Variants in KLC1 observed in about 807,000 individuals in gnomAD.
KLC1 encodes the protein kinesin 2 60/70kDa.
A neutral mutation model predicts 84.2 loss-of-function variants in KLC1; 30 were observed. That is an observed-to-expected ratio of 0.36 (90% CI 0.27 to 0.48). The LOEUF (loss-of-function observed/expected upper bound fraction) is 0.48, where lower values mean the gene tolerates loss of function less well. Ranked by LOEUF, KLC1 falls within the 20% of genes least tolerant of loss-of-function variation. KLC1 has a pLI of 0.99. For synonymous variants in KLC1, 289 were observed against 293.3 expected, an observed-to-expected ratio of 0.99 and a Z score of 0.15; for missense variants, 499 against 805.4, an observed-to-expected ratio of 0.62 and a Z score of 4.60.
At chr14:103,662,262 A>G in intron 4 of KLC1, 68 bp downstream of exon 4, 2 of 1,286,124 alleles carry the variant, frequency 1.6e-6, no homozygotes, top group Non-Finnish European at 2.3e-6. Context: ...GAACACGGTC[A>G]TAGCAATCAG....
At chr14:103,680,004 G>A (rs1476893307) in intron 13 of KLC1, among the ~76,000 whole-genome samples, 2 of 152,186 alleles carry the variant, frequency 1.3e-5, no homozygotes, top group Non-Finnish European at 2.9e-5. Context: ...TTAGAAAACA[G>A]GTCAGAAACA....
intron 5 of KLC1, among the ~76,000 whole-genome samples, chr14:103,666,209 G>A (rs993119464): frequency 6.6e-6 from 1 of 151,972 alleles, no homozygotes; most frequent in Non-Finnish European, 1.5e-5. Flanking sequence ...GACTACAGGC[G>A]CCTGCCACCG....
chr14:103,681,156 G>A (rs2081313704), intron 13 of KLC1, among the ~76,000 whole-genome samples: 1 of 152,172 alleles, frequency 6.6e-6, no homozygotes, highest in Non-Finnish European at 1.5e-5. Context: ...TGTGTATCTG[G>A]TGTGTCCCCT....
At chr14:103,687,873 C>T (rs886834307) in intron 14 of KLC1, 4 of 152,158 alleles carry the variant, frequency 2.6e-5, no homozygotes, top group Non-Finnish European at 4.4e-5. Context: ...TTGTCCCTGC[C>T]GCAGTGTCCA....
At chr14:103,647,207 T>C (rs1169815758) in intron 1 of KLC1, among the ~76,000 whole-genome samples, 1 of 152,022 alleles carries the variant, frequency 6.6e-6, no homozygotes, top group Non-Finnish European at 1.5e-5. Flanking sequence ...TTTACTTTCT[T>C]TATCCAGAAA....
At chr14:103,634,206 GT>G (rs1457519359) in intron 1 of KLC1, among the ~76,000 whole-genome samples, 5 of 152,104 alleles carry the variant, frequency 3.3e-5, no homozygotes, top group African/African-American at 4.8e-5. Flanking sequence ...AATTTTTATT[GT>G]TTGTCTCCAC....
At chr14:103,634,946 G>A (rs1297102615) in intron 1 of KLC1, among the ~76,000 whole-genome samples, 2 of 152,102 alleles carry the variant, frequency 1.3e-5, no homozygotes, top group Admixed American at 6.5e-5. Flanking sequence ...ATCTTCATTC[G>A]TTCTCCCAAG....
intron 7 of KLC1, among the ~76,000 whole-genome samples, chr14:103,672,728 T>C (rs2080515271): frequency 6.6e-6 from 1 of 152,194 alleles, no homozygotes; most frequent in Admixed American, 6.5e-5. Context: ...CATTTGTACA[T>C]AGTACAACCA....
chr14:103,697,297 C>T (rs1179227383), intron 15 of KLC1: 1 of 233,846 alleles, frequency 4.3e-6, no homozygotes, highest in Non-Finnish European at 7.0e-6. Context: ...ATTGTCCCAC[C>T]CTGGAAAACG....
rs535849010 is a variant in KLC1, at chr14:103,685,986, C to T, written c.1651-1095C>T. 8.1e-5 allele frequency: 90 copies of T among 1,105,322 alleles called. 2 individuals are homozygous for T. The South Asian group carries it at 1.8e-3, about 23-fold the overall frequency. The allele number at this position is 1,105,322 out of a possible 1,614,324, so 68.5% of individuals were successfully genotyped here. A position where few individuals can be genotyped will look rare whatever the true frequency, so the allele number is the denominator to read the frequency against. Reference sequence around the variant, plus strand: ...ACAAGGTGTTGTTGCAATGGCATGACGGTGACCTGTTGACGTAACTAAGCC... The same window carrying T: ...ACAAGGTGTTGTTGCAATGGCATGATGGTGACCTGTTGACGTAACTAAGCC... On this transcript the variant is annotated intron_variant, in intron 13 of 16. Coordinates refer to ENST00000334553, the MANE Select transcript of KLC1 (RefSeq NM_001394837.1).
At chr14:103,684,824 T>G in intron 13 of KLC1, 2 of 632,926 alleles carry the variant, frequency 3.2e-6, no homozygotes, top group South Asian at 1.8e-5. Context: ...ACTACTGTAG[T>G]GTAGCGCTGA....
intron 1 of KLC1, 115 bp from the exon 2 acceptor site, chr14:103,654,449 G>A: frequency 1.4e-6 from 1 of 730,154 alleles, no homozygotes; most frequent in Non-Finnish European, 2.1e-6. Context: ...TTACAAATGT[G>A]CATATTTATT....
rs771343575 is a variant in KLC1 at position 103,670,237 on chromosome 14, A to G, written c.941A>G (p.Lys314Arg). ...AVLYGKRGKY[K>R]EAEPLCKRAL... Reference sequence around the variant, plus strand: ...CTTTATGGTAAAAGAGGGAAGTACAAAGAAGCAGAGCCGTTGTGTAAAAGA... The same window carrying G: ...CTTTATGGTAAAAGAGGGAAGTACAGAGAAGCAGAGCCGTTGTGTAAAAGA... The change falls in exon 7 of 17, where the codon AAA becomes AGA. Residue 314 changes from lysine (K) to arginine (R), a missense_variant. By Grantham distance (26) the Lys-to-Arg change is conservative. Around this residue, in one of 3 missense-constraint regions of KLC1, gnomAD observed 153 missense variants for 332.4 expected, o/e 0.46. Coordinates refer to ENST00000334553, the MANE Select transcript of KLC1 (RefSeq NM_001394837.1). The G allele has an allele frequency of 6.8e-6, 11 of 1,613,446 alleles. No individual in the cohort carries two copies. In the Admixed American group the frequency reaches 1.5e-4, roughly 22 times the overall value.
chr14:103,658,622 T>C (rs375975805), intron 3 of KLC1, among the ~76,000 whole-genome samples: 4 of 151,304 alleles, frequency 2.6e-5, no homozygotes, highest in East Asian at 2.0e-4. Context: ...GTCTCAGTTA[T>C]TTTTCATTCA....
chr14:103,669,667 A>G lies in KLC1; in HGVS notation c.885+69A>G, dbSNP rs1440199325. 1.0e-5 allele frequency: 11 copies of G among 1,086,984 alleles called. No individual in the cohort carries two copies. The Middle Eastern group carries it at 6.1e-4, about 60-fold the overall frequency. 67.3% of individuals were successfully genotyped at this position (1,086,984 alleles called of 1,614,324 possible). A position where few individuals can be genotyped will look rare whatever the true frequency, so the allele number is the denominator to read the frequency against. ...CCCATATATTTCTTTTATCCAACTC[A>G]TTTTACCATTAAACTCAACAGGGAA... On this transcript the variant is annotated intron_variant, in intron 6 of 16. Transcript: ENST00000334553.
intron 1 of KLC1, among the ~76,000 whole-genome samples, chr14:103,641,529 A>C (rs141461619): frequency 1.3e-5 from 2 of 152,146 alleles, no homozygotes; most frequent in East Asian, 3.9e-4. Flanking sequence ...GTTGCATGCT[A>C]CCGACTTCTA....
chr14:103,680,473 A>G (rs1189974620), intron 13 of KLC1, among the ~76,000 whole-genome samples: 1 of 152,146 alleles, frequency 6.6e-6, no homozygotes, highest in Admixed American at 6.5e-5. Flanking sequence ...AAATCCTTTT[A>G]TTCTTTAGGA....
chr14:103,642,986 G>A (rs1336411324), intron 1 of KLC1, among the ~76,000 whole-genome samples: 2 of 151,956 alleles, frequency 1.3e-5, no homozygotes, highest in Non-Finnish European at 2.9e-5. Context: ...GGTCAGGTTG[G>A]TCTCCAACTC....
chr14:103,681,184 G>C lies in KLC1; in HGVS notation c.1650+1639G>C, dbSNP rs149317998. Among the ~76,000 whole-genome samples, 350 of 152,290 alleles carry C rather than the reference G, an allele frequency of 2.3e-3. 7 individuals are homozygous for C. The highest frequency in any genetic ancestry group is 3.4e-3 in the Middle Eastern group (1 of 294). Reference sequence around the variant, plus strand: ...TGTCCCCTGATAGCTCTGCAGGTTTGATGGAATTCATCCCAGGGTGCGTTG... The same window carrying C: ...TGTCCCCTGATAGCTCTGCAGGTTTCATGGAATTCATCCCAGGGTGCGTTG... On this transcript the variant is annotated intron_variant, in intron 13 of 16. Coordinates refer to ENST00000334553, the MANE Select transcript of KLC1 (RefSeq NM_001394837.1).
Sources: gnomAD v4.1 joint callset for allele counts (sites outside exome capture counted in the v4.1 genomes callset) on GRCh38, gnomAD v4.1.1 for gene constraint, gnomAD v4.1.1 regional missense constraint, MANE v1.5 for transcripts, NCBI Gene and HGNC (gene_info 2026-07-23, HGNC 2026-07-21) for gene names.